BANP: variants seen among roughly 807,000 people sequenced by gnomAD.
The protein encoded by BANP is BTG3 associated nuclear protein, also known as protein BANP.
Under a neutral mutation model 68.1 loss-of-function variants are expected in BANP, and 11 were observed. That is an observed-to-expected ratio of 0.16 (90% CI 0.10 to 0.27). The LOEUF (loss-of-function observed/expected upper bound fraction) is 0.27, where lower values mean the gene tolerates loss of function less well. Ranked by LOEUF, BANP falls within the 10% of genes least tolerant of loss-of-function variation. BANP has a pLI of 1.00. For synonymous variants in BANP, 329 were observed against 303.2 expected (o/e 1.09, Z -0.88); for missense variants, 504 against 722.7 (o/e 0.70, Z 3.47).
rs1162745298 is a variant in BANP at position 88,077,241 on chromosome 16, A to C, written c.*580A>C. The C allele has an allele frequency of 6.6e-6, 1 of 152,406 alleles. No individual in the cohort carries two copies. Among genetic ancestry groups the C allele is most frequent in the African/African-American group, 2.4e-5 (1 of 41,460 alleles). The allele number at this position is 152,406 out of a possible 1,614,324, so 9.4% of individuals were successfully genotyped here. ...TCTCGGTTCCGATGGGGTATTGCTG[A>C]CCTACTTTTCTAGGGGAAATGCTCT... On this transcript the variant is annotated 3_prime_UTR_variant, in exon 14 of 14. Coordinates refer to ENST00000682872, the MANE Select transcript of BANP (RefSeq NM_001386991.1).
intron 1 of BANP, among the ~76,000 whole-genome samples, chr16:87,966,003 C>CTGGACAGATGACCACACG (rs1872815736): frequency 6.6e-6 from 1 of 152,186 alleles, no homozygotes; most frequent in Non-Finnish European, 1.5e-5. Flanking sequence ...GTTGGCACAC[C>CTGGACAGATGACCACACG]TGGACAGATG....
chr16:88,071,099 C>T lies in BANP; in HGVS notation c.1378-970C>T, dbSNP rs114144402. ...GGCAGGTCCCACGGAGGGGATGCTG[C>T]GGCCAGGCTCCGTGGGGTGGGGCAC... On this transcript the variant is annotated intron_variant, in intron 12 of 13. Transcript: ENST00000682872. This position sits in a 1 kb window ranked among gnomAD's most constrained non-coding sequence, Gnocchi z 6.5. 6.5e-3 allele frequency: 1,738 copies of T among 267,474 alleles called. 37 individuals are homozygous for T. Among genetic ancestry groups the T allele is most frequent in the African/African-American group, 0.036 (1,604 of 44,068 alleles). The allele number at this position is 267,474 out of a possible 1,614,324, so 16.6% of individuals were successfully genotyped here.
At chr16:88,007,348 TC>T (rs2071528176) in intron 6 of BANP, among the ~76,000 whole-genome samples, 1 of 152,002 alleles carries the variant, frequency 6.6e-6, no homozygotes, top group Non-Finnish European at 1.5e-5. Flanking sequence ...ATTGCCCATT[TC>T]CCCCGAGATC....
chr16:87,997,345 G>A (rs146677112), intron 4 of BANP, among the ~76,000 whole-genome samples: 56 of 152,380 alleles, frequency 3.7e-4, no homozygotes, highest in African/African-American at 1.3e-3. Flanking sequence ...GGTTGAAATA[G>A]GATCATTGCT....
At chr16:87,974,170 AT>A (rs2061614981) in intron 1 of BANP, among the ~76,000 whole-genome samples, 1 of 152,196 alleles carries the variant, frequency 6.6e-6, no homozygotes, top group Non-Finnish European at 1.5e-5. Context: ...TAAAAACATG[AT>A]GGTCACATTC....
At position 88,076,581 on chromosome 16, in the gene BANP, C is replaced by T. The variant is rs763633630; in HGVS notation, c.1522-9C>T. 7 of 1,612,210 alleles carry T rather than the reference C, an allele frequency of 4.3e-6. No homozygotes were observed. The African/African-American group carries it at 8.0e-5, about 18-fold the overall frequency. The stretch of plus-strand genomic sequence containing the variant: ...TTTCTAGAAAGTCCCTCCTTTCTCC[C>T]TTTTGCAGACGGCCGAAGCCCTGCA... On this transcript the variant is annotated splice_polypyrimidine_tract_variant and intron_variant, in intron 13 of 13. Coordinates refer to ENST00000682872, the MANE Select transcript of BANP (RefSeq NM_001386991.1).
At chr16:88,035,583 C>T (rs973646946) in intron 10 of BANP, among the ~76,000 whole-genome samples, 189 bp downstream of exon 10, 5 of 152,364 alleles carry the variant, frequency 3.3e-5, no homozygotes, top group Non-Finnish European at 5.9e-5. Flanking sequence ...CTGCCTCCCC[C>T]TCCTGTCCGT....
chr16:87,981,152 G>C (rs772326722), intron 3 of BANP, 25 bp downstream of exon 3: 1 of 1,405,530 alleles, frequency 7.1e-7, no homozygotes, highest in South Asian at 1.2e-5. Context: ...CTGTTCTGTG[G>C]TGTGTAGTGC....
intron 13 of BANP, among the ~76,000 whole-genome samples, chr16:88,075,016 C>T (rs1293167758): frequency 6.6e-6 from 1 of 152,158 alleles, no homozygotes; most frequent in Admixed American, 6.5e-5. Context: ...CCAGCCTGGG[C>T]AACGTAGCGA....
intron 4 of BANP, among the ~76,000 whole-genome samples, chr16:87,995,782 T>G (rs919352261): frequency 3.3e-5 from 5 of 152,180 alleles, no homozygotes; most frequent in Admixed American, 2.6e-4. Flanking sequence ...GGTGATTGAC[T>G]CCACAGGTAA....
intron 6 of BANP, among the ~76,000 whole-genome samples, chr16:88,006,658 A>G (rs1480547950): frequency 3.3e-5 from 5 of 150,552 alleles, no homozygotes; most frequent in Admixed American, 2.0e-4. Context: ...AAAAAAAAAA[A>G]GTGATACAGT....
intron 1 of BANP, among the ~76,000 whole-genome samples, chr16:87,971,236 G>T (rs1239501443): frequency 7.8e-6 from 1 of 128,620 alleles, no homozygotes; most frequent in Non-Finnish European, 1.8e-5. Context: ...CAGTTACATT[G>T]TGTCTGCGTT....
chr16:88,048,774 A>C (rs1017592679), intron 11 of BANP, among the ~76,000 whole-genome samples: 1 of 152,178 alleles, frequency 6.6e-6, no homozygotes, highest in African/African-American at 2.4e-5. Context: ...GGTGGATTCT[A>C]ACAGTGTTCT....
At chr16:87,956,122 G>A (rs908209990) in intron 1 of BANP, among the ~76,000 whole-genome samples, 1 of 152,138 alleles carries the variant, frequency 6.6e-6, no homozygotes, top group Admixed American at 6.5e-5. Flanking sequence ...TGGGTTCCTC[G>A]TCTGCAGTGA....
chr16:87,984,102 G>A lies in BANP; in HGVS notation c.205G>A (p.Asp69Asn). The A allele has an allele frequency of 1.2e-6, 2 of 1,613,966 alleles. No homozygotes were observed. Among genetic ancestry groups the A allele is most frequent in the Non-Finnish European group, 1.7e-6 (2 of 1,179,942 alleles). The change falls in exon 4 of 14, where the codon GAT (aspartate) becomes AAT (asparagine). Residue 69 changes from aspartate (D) to asparagine (N), a missense_variant. This residue lies in a region of BANP where 238 missense variants were observed against 278.9 expected (regional missense o/e 0.85). Coordinates refer to ENST00000682872, the MANE Select transcript of BANP (RefSeq NM_001386991.1). ...CAACCAGACAATCTGCTTGCGGTTG[G>A]ATAGCATTGAAGCCAAATTGCAAGC... ...SINQTICLRL[D>N]SIEAKLQALE...
chr16:87,996,406 C>CT (rs2067225632), intron 4 of BANP, among the ~76,000 whole-genome samples: 1 of 151,530 alleles, frequency 6.6e-6, no homozygotes. Flanking sequence ...GGCCCTCGTC[C>CT]GGGTGCCAGC....
rs183003483 is a variant in BANP at position 87,972,485 on chromosome 16, T to C, written c.-68-2563T>C. Reference sequence around the variant, plus strand: ...ATATGTTTCTAGAATGTTTTCATTGTCTGCAGTGATGTTATTTTGCTTCTT... The same window carrying C: ...ATATGTTTCTAGAATGTTTTCATTGCCTGCAGTGATGTTATTTTGCTTCTT... On this transcript the variant is annotated intron_variant, in intron 1 of 13. Transcript: ENST00000682872. 4.3e-3 allele frequency among the ~76,000 whole-genome samples: 656 copies of C among 152,190 alleles called. 10 individuals are homozygous for C. The highest frequency in any genetic ancestry group is 6.3e-3 in the Non-Finnish European group (430 of 68,012).
intron 9 of BANP, among the ~76,000 whole-genome samples, 197 bp downstream of exon 9, chr16:88,033,442 G>T (rs1055968586): frequency 2.0e-5 from 3 of 152,158 alleles, no homozygotes; most frequent in African/African-American, 7.2e-5. Context: ...GGCGGCTGCT[G>T]CAGAGCCTAG....
chr16:88,001,931 C>CA lies in BANP; in HGVS notation c.363-2351dup, dbSNP rs79450312. ...TAAGTGCTAAAAAAAAACAAAAAAA[C>CA]AAAAAAAAAAAAACCTTCTGGATTG... On this transcript the variant is annotated intron_variant, in intron 4 of 13. Transcript: ENST00000682872. Among the ~76,000 whole-genome samples the CA allele has an allele frequency of 6.3e-3, 854 of 135,342 alleles. 2 individuals are homozygous for CA. The highest frequency in any genetic ancestry group is 0.016 in the African/African-American group (614 of 37,978). 88.8% of individuals were successfully genotyped at this position (135,342 alleles called of 152,430 possible).
Sources: allele counts gnomAD v4.1 joint callset (sites outside exome capture counted in the v4.1 genomes callset), GRCh38; gene constraint gnomAD v4.1.1; regional missense constraint gnomAD v4.1.1; non-coding constraint Gnocchi (gnomAD v3.1); transcripts MANE v1.5; gene names NCBI Gene and HGNC (gene_info 2026-07-23, HGNC 2026-07-21).